The following ANO7 variants were observed in gnomAD, a reference collection of about 807,000 sequenced individuals.
ANO7 encodes anoctamin 7.
Under a neutral mutation model 115.8 loss-of-function variants are expected in ANO7, and 114 were observed. That is an observed-to-expected ratio of 0.98 (90% CI 0.85 to 1.15). The LOEUF is 1.15. ANO7 is among the 50% of genes most tolerant of loss of function. ANO7 has a pLI of 0.00. For synonymous variants in ANO7, 550 were observed against 498.2 expected, an observed-to-expected ratio of 1.10 and a Z score of -1.38; for missense variants, 1,302 against 1,201.2, an observed-to-expected ratio of 1.08 and a Z score of -1.24.
chr2:241,194,459 T>C (rs1055191566), intron 3 of ANO7, among the ~76,000 whole-genome samples: 20 of 151,860 alleles, frequency 1.3e-4, no homozygotes, highest in African/African-American at 4.4e-4. Flanking sequence ...GGACTACAGG[T>C]GCCGGCCACC....
At chr2:241,236,256 A>G in the ANO7 span, 74 of 299,776 alleles carry the variant, frequency 2.5e-4, no homozygotes, top group African/African-American at 1.4e-3. Context: ...AAGGTGAGCT[A>G]GGCCTGATAA....
intron 7 of ANO7, among the ~76,000 whole-genome samples, 190 bp downstream of exon 7, chr2:241,201,545 G>A (rs1480943891): frequency 6.6e-6 from 1 of 152,240 alleles, no homozygotes; most frequent in African/African-American, 2.4e-5. Context: ...ACCTGGGATT[G>A]GGAAGGGGTG....
intron 11 of ANO7, among the ~76,000 whole-genome samples, chr2:241,208,072 C>T (rs1397114912): frequency 6.6e-6 from 1 of 152,152 alleles, no homozygotes; most frequent in Non-Finnish European, 1.5e-5. Context: ...TCTCTGAGCC[C>T]CACTGTCCCC....
chr2:241,214,781 C>A (rs747012497), intron 17 of ANO7, 24 bp from the exon 18 acceptor site: 2 of 1,605,394 alleles, frequency 1.2e-6, no homozygotes, highest in Non-Finnish European at 1.7e-6. Flanking sequence ...CCTCTCCCAG[C>A]TAACCTGAGC....
Position 241,224,086 on chromosome 2 carries a change from C to T in ANO7, c.2584-11C>T, listed in dbSNP as rs747599463. ...AGTCTGACTTGTCCCTGCCCCCAAC[C>T]CTCTCCCCAGCTCAGCTCCCACTGG... On this transcript the variant is annotated splice_polypyrimidine_tract_variant and intron_variant, in intron 24 of 24. Coordinates refer to ENST00000674324, the MANE Select transcript of ANO7 (RefSeq NM_001370694.2). 1 of 1,614,098 alleles carries T rather than the reference C, an allele frequency of 6.2e-7. No individual in the cohort carries two copies. The highest frequency in any genetic ancestry group is 2.2e-5 in the East Asian group (1 of 44,880).
At chr2:241,208,183 T>C (rs1169784576) in intron 11 of ANO7, among the ~76,000 whole-genome samples, 1 of 152,212 alleles carries the variant, frequency 6.6e-6, no homozygotes, top group Non-Finnish European at 1.5e-5. Context: ...TTGGCACTAC[T>C]GGTGGGCCAG....
chr2:241,199,916 C>T (rs1351580451), intron 5 of ANO7, among the ~76,000 whole-genome samples, 173 bp from the exon 6 acceptor site: 1 of 152,206 alleles, frequency 6.6e-6, no homozygotes, highest in African/African-American at 2.4e-5. Context: ...GAGCCTGAGG[C>T]CCTGAGAGGG....
At chr2:241,210,653 GAC>G (rs2068701764) in intron 15 of ANO7, 83 bp downstream of exon 15, 2 of 1,068,322 alleles carry the variant, frequency 1.9e-6, no homozygotes, top group Admixed American at 1.7e-5. Context: ...CTCACTCACT[GAC>G]ACACATGGCC....
intron 21 of ANO7, among the ~76,000 whole-genome samples, chr2:241,220,306 G>A (rs1455315224): frequency 6.6e-6 from 1 of 152,146 alleles, no homozygotes; most frequent in African/African-American, 2.4e-5. Flanking sequence ...TCAAATAGCG[G>A]ATATAAAAGT....
chr2:241,189,429 G>A (rs939668166), intron 1 of ANO7, among the ~76,000 whole-genome samples: 1 of 152,128 alleles, frequency 6.6e-6, no homozygotes, highest in African/African-American at 2.4e-5. Flanking sequence ...CACAGATGTC[G>A]TGCTCCTGGC....
chr2:241,232,139 C>T, the ANO7 span, among the ~76,000 whole-genome samples: 1 of 152,228 alleles, frequency 6.6e-6, no homozygotes, highest in African/African-American at 2.4e-5. Context: ...TCAGGCACCA[C>T]CCGCGTGCTG....
chr2:241,219,360 C>T (rs78996248), intron 21 of ANO7, among the ~76,000 whole-genome samples: 1,548 of 152,232 alleles, frequency 0.01, 97 homozygotes, highest in Admixed American at 0.086. Flanking sequence ...TAGTTGTGTA[C>T]GAATTCATAC....
intron 19 of ANO7, 150 bp downstream of exon 19, chr2:241,216,388 C>T: frequency 8.9e-7 from 1 of 1,124,284 alleles, no homozygotes; most frequent in South Asian, 1.8e-5. Flanking sequence ...GAGGGTCGGG[C>T]CTGTGGAGAA....
chr2:241,224,231 C>A lies in ANO7; in HGVS notation c.*78C>A. On this transcript the variant is annotated 3_prime_UTR_variant, in exon 25 of 25. Coordinates refer to ENST00000674324, the MANE Select transcript of ANO7 (RefSeq NM_001370694.2). ...GCGAGCAGCGTCCTTTTCCTCTTCC[C>A]TCAGGCAGCGGCTGTGTGAACCGCT... is the stretch of plus-strand genomic sequence containing the variant. 2 of 1,518,640 alleles carry A rather than the reference C, an allele frequency of 1.3e-6. No individual in the cohort carries two copies. The highest frequency in any genetic ancestry group is 2.3e-5 in the South Asian group (2 of 86,480). The allele number at this position is 1,518,640 out of a possible 1,614,324, so 94.1% of individuals were successfully genotyped here.
Position 241,223,685 on chromosome 2 carries a change from C to A in ANO7, c.2436C>A (p.Arg812=), listed in dbSNP as rs1419927911. Residue 812 remains arginine, a synonymous_variant, in exon 23 of 25, where the codon CGC becomes CGA. Coordinates refer to ENST00000674324, the MANE Select transcript of ANO7 (RefSeq NM_001370694.2). ...AGCATGTGGTTTTCTCCGTTGGCCG[C>A]CTCCTGGACCTCCTGGTGCCTGACA... ...VFEHVVFSVG[R]LLDLLVPDIP... 6.2e-7 allele frequency: 1 copy of A among 1,613,546 alleles called. No individual in the cohort carries two copies. Among genetic ancestry groups the A allele is most frequent in the Non-Finnish European group, 8.5e-7 (1 of 1,179,800 alleles).
At chr2:241,235,552 G>A in the ANO7 span, 3 of 1,614,106 alleles carry the variant, frequency 1.9e-6, no homozygotes, top group East Asian at 2.2e-5. Flanking sequence ...TAACGGTGAA[G>A]GTCAAAGGGC....
the ANO7 span, among the ~76,000 whole-genome samples, chr2:241,239,085 G>C: frequency 6.6e-6 from 1 of 152,228 alleles, no homozygotes; most frequent in East Asian, 1.9e-4. The surrounding 1 kb of genome is among the most constrained non-coding windows in gnomAD (Gnocchi z 4.6). Flanking sequence ...CCATGAGGAG[G>C]CATCAGACTT....
chr2:241,203,603 G>A lies in ANO7; in HGVS notation c.889+105G>A. ...CCCCTGGAGGGCAGCGTGCGTGGGG[G>A]CCTGGACGGTGGGCGCAGCTCTTGG... On this transcript the variant is annotated intron_variant, in intron 9 of 24. Coordinates refer to ENST00000674324, the MANE Select transcript of ANO7 (RefSeq NM_001370694.2). This position sits in a 1 kb window ranked among gnomAD's most constrained non-coding sequence, Gnocchi z 4.8. 3.5e-6 allele frequency: 3 copies of A among 847,076 alleles called. No individual in the cohort carries two copies. Among genetic ancestry groups the A allele is most frequent in the Non-Finnish European group, 3.5e-6 (2 of 579,500 alleles). The allele number at this position is 847,076 out of a possible 1,614,324, so 52.5% of individuals were successfully genotyped here.
chr2:241,238,623 C>T, the ANO7 span: 2 of 1,490,572 alleles, frequency 1.3e-6, no homozygotes, highest in Non-Finnish European at 1.8e-6. This position sits in a 1 kb window ranked among gnomAD's most constrained non-coding sequence, Gnocchi z 4.9. Flanking sequence ...TATTAACAAG[C>T]AGAGCAGGGC....
Sources: gnomAD v4.1 joint callset for allele counts (sites outside exome capture counted in the v4.1 genomes callset) on GRCh38, gnomAD v4.1.1 for gene constraint, Gnocchi (gnomAD v3.1) non-coding constraint, MANE v1.5 for transcripts, NCBI Gene and HGNC (gene_info 2026-07-23, HGNC 2026-07-21) for gene names.